The following LHFPL3 variants were observed in gnomAD, a reference collection of about 807,000 sequenced individuals.
LHFPL3 encodes LHFPL tetraspan subfamily member 3.
LHFPL3 carries 5 observed loss-of-function variants against 19.3 expected under a neutral mutation model. That is an observed-to-expected ratio of 0.26 (90% CI 0.14 to 0.54). LHFPL3 has a LOEUF of 0.54. Ranked by LOEUF, LHFPL3 falls within the 20% of genes least tolerant of loss-of-function variation. The pLI, the probability that LHFPL3 is intolerant of heterozygous loss-of-function variation, is 0.94. For synonymous variants in LHFPL3, 133 were observed against 126.2 expected (o/e 1.05, Z -0.36); for missense variants, 249 against 307.4 (o/e 0.81, Z 1.42).
chr7:104,860,955 C>G (rs1444372823), intron 2 of LHFPL3, among the ~76,000 whole-genome samples: 1 of 152,084 alleles, frequency 6.6e-6, no homozygotes, highest in Non-Finnish European at 1.5e-5. Flanking sequence ...ATACAACTAC[C>G]AGAGGCAATG....
At chr7:104,528,961 A>T (rs552448736) in intron 1 of LHFPL3, among the ~76,000 whole-genome samples, 3 of 152,290 alleles carry the variant, frequency 2.0e-5, no homozygotes, top group South Asian at 4.1e-4. Flanking sequence ...ACTTTTATGC[A>T]TGGCTTGCTC....
intron 2 of LHFPL3, chr7:104,798,542 T>G (rs569978932): frequency 1.3e-5 from 2 of 152,350 alleles, no homozygotes; most frequent in South Asian, 4.1e-4. Context: ...TGTTTATTGC[T>G]CTGTTGTATA....
At chr7:104,873,059 G>A (rs913690486) in intron 2 of LHFPL3, among the ~76,000 whole-genome samples, 1 of 152,160 alleles carries the variant, frequency 6.6e-6, no homozygotes, top group African/African-American at 2.4e-5. Flanking sequence ...TTAAACAATA[G>A]GAATTTTTCA....
chr7:104,350,502 C>A (rs1790151647), intron 1 of LHFPL3, among the ~76,000 whole-genome samples: 1 of 152,160 alleles, frequency 6.6e-6, no homozygotes, highest in Non-Finnish European at 1.5e-5. Context: ...AAGGGCAAGA[C>A]TGATGAATAG....
chr7:104,352,494 C>T (rs1420872031), intron 1 of LHFPL3, among the ~76,000 whole-genome samples: 1 of 152,134 alleles, frequency 6.6e-6, no homozygotes, highest in Non-Finnish European at 1.5e-5. Flanking sequence ...TCCAATCTAC[C>T]TTCCTGCAGC....
intron 1 of LHFPL3, among the ~76,000 whole-genome samples, chr7:104,519,448 T>C (rs969975830): frequency 3.9e-5 from 6 of 152,130 alleles, no homozygotes; most frequent in African/African-American, 1.4e-4. Flanking sequence ...ACTTAAATGA[T>C]GACATTCCTG....
intron 2 of LHFPL3, among the ~76,000 whole-genome samples, chr7:104,879,309 G>A (rs919178310): frequency 1.3e-5 from 2 of 152,142 alleles, no homozygotes; most frequent in Non-Finnish European, 2.9e-5. Context: ...CCAGCTCCTT[G>A]GGAGGCTAAG....
intron 2 of LHFPL3, among the ~76,000 whole-genome samples, chr7:104,746,142 C>A (rs774378177): frequency 1.3e-5 from 2 of 152,262 alleles, no homozygotes; most frequent in Middle Eastern, 3.4e-3. Context: ...AAAACCCCAT[C>A]TCTACTAAAA....
intron 2 of LHFPL3, among the ~76,000 whole-genome samples, chr7:104,840,280 CTTTT>C (rs893561664): frequency 4.9e-5 from 7 of 141,512 alleles, no homozygotes; most frequent in African/African-American, 1.6e-4. Flanking sequence ...ATTCTCATTT[CTTTT>C]TTCTGTCTTT....
At chr7:104,506,041 G>A (rs976153409) in intron 1 of LHFPL3, among the ~76,000 whole-genome samples, 15 of 150,168 alleles carry the variant, frequency 1.0e-4, no homozygotes, top group African/African-American at 3.4e-4. Context: ...TTCTTGAGAC[G>A]GAGTCTCACT....
intron 2 of LHFPL3, among the ~76,000 whole-genome samples, chr7:104,900,147 A>G (rs755541965): frequency 6.6e-6 from 1 of 152,238 alleles, no homozygotes; most frequent in South Asian, 2.1e-4. Context: ...ACCTATGTAA[A>G]ATATGGAATG....
rs116391454 is a variant in LHFPL3, at chr7:104,601,602, A to G, written c.446-135073A>G. Reference sequence around the variant, plus strand: ...GAGTAGCATTTGGGCCAAAATGTGAATGGCCAGAGCAGCCAGCCACACAAA... The same window carrying G: ...GAGTAGCATTTGGGCCAAAATGTGAGTGGCCAGAGCAGCCAGCCACACAAA... On this transcript the variant is annotated intron_variant, in intron 1 of 2. Coordinates refer to ENST00000424859, the MANE Select transcript of LHFPL3 (RefSeq NM_199000.3). Among the ~76,000 whole-genome samples the G allele has an allele frequency of 4.8e-3, 728 of 152,296 alleles. 5 individuals are homozygous for G. The highest frequency in any genetic ancestry group is 0.017 in the African/African-American group (686 of 41,558).
intron 1 of LHFPL3, among the ~76,000 whole-genome samples, chr7:104,617,380 C>A (rs1431149367): frequency 2.0e-5 from 3 of 152,074 alleles, no homozygotes; most frequent in Non-Finnish European, 4.4e-5. Context: ...CTGCCAGTAC[C>A]AGCCTGTGGT....
intron 1 of LHFPL3, among the ~76,000 whole-genome samples, chr7:104,717,978 T>C (rs1214282182): frequency 6.6e-6 from 1 of 152,098 alleles, no homozygotes; most frequent in Non-Finnish European, 1.5e-5. Flanking sequence ...ATTCTGCCTT[T>C]AAAAAGAAGG....
At chr7:104,721,747 A>G (rs574084927) in intron 1 of LHFPL3, among the ~76,000 whole-genome samples, 1 of 152,334 alleles carries the variant, frequency 6.6e-6, no homozygotes, top group East Asian at 1.9e-4. Flanking sequence ...AGAGTATTTA[A>G]GGAAAAATTC....
intron 1 of LHFPL3, among the ~76,000 whole-genome samples, chr7:104,608,514 G>T: frequency 9.4e-6 from 1 of 106,198 alleles, no homozygotes; most frequent in Non-Finnish European, 1.8e-5. Flanking sequence ...GGGGAGGGGG[G>T]AGGGATAGCA....
chr7:104,385,122 T>G (rs1433760750), intron 1 of LHFPL3, among the ~76,000 whole-genome samples: 1 of 152,152 alleles, frequency 6.6e-6, no homozygotes, highest in African/African-American at 2.4e-5. Flanking sequence ...AGCATTTCAT[T>G]ATATCTAGGG....
chr7:104,386,859 C>T (rs1290333743), intron 1 of LHFPL3, among the ~76,000 whole-genome samples: 1 of 151,922 alleles, frequency 6.6e-6, no homozygotes, highest in East Asian at 1.9e-4. Context: ...AGAGCACCAA[C>T]TAAAAACCCT....
intron 1 of LHFPL3, among the ~76,000 whole-genome samples, chr7:104,526,662 TG>T (rs1318566891): frequency 1.3e-5 from 2 of 152,236 alleles, no homozygotes; most frequent in African/African-American, 4.8e-5. Context: ...CCCAGACTTT[TG>T]TTGATGTTGC....
Sources: gnomAD v4.1 joint callset for allele counts (sites outside exome capture counted in the v4.1 genomes callset) on GRCh38, gnomAD v4.1.1 for gene constraint, MANE v1.5 for transcripts, NCBI Gene and HGNC (gene_info 2026-07-23, HGNC 2026-07-21) for gene names.